The following CPVL variants were observed in gnomAD, a reference collection of about 807,000 sequenced individuals.
The protein encoded by CPVL is carboxypeptidase vitellogenic like, also known as probable serine carboxypeptidase CPVL.
In CPVL, 51 loss-of-function variants were observed where a neutral mutation model predicts 63.7. The observed-to-expected ratio is 0.80, with a 90% CI of 0.64 to 1.01. The LOEUF (loss-of-function observed/expected upper bound fraction) is 1.01. Among genes scored for constraint, CPVL ranks in the 50% least tolerant of loss-of-function variants. The probability of loss-of-function intolerance (pLI) is 0.00; values close to 1 mark genes in which losing one functional copy is unlikely to be tolerated. For missense variants in CPVL, 530 were observed against 573.1 expected (o/e 0.92, Z 0.77); for synonymous variants, 195 against 206.0 (o/e 0.95, Z 0.46).
chr7:29,178,741 T>C (rs1336921444), intron 5 of CPVL, among the ~76,000 whole-genome samples: 2 of 152,198 alleles, frequency 1.3e-5, no homozygotes, highest in Admixed American at 6.5e-5. Context: ...TTGGCATTAA[T>C]TAATTAATTT....
At chr7:29,165,497 A>AAAGGC (rs1795796604) in intron 5 of CPVL, among the ~76,000 whole-genome samples, 1 of 152,160 alleles carries the variant, frequency 6.6e-6, no homozygotes, top group South Asian at 2.1e-4. Context: ...GTTGTCTGTT[A>AAAGGC]ATAGAGACTG....
At chr7:29,075,050 C>T (rs1784108138) in intron 7 of CPVL, among the ~76,000 whole-genome samples, 2 of 152,048 alleles carry the variant, frequency 1.3e-5, no homozygotes, top group African/African-American at 4.8e-5. Flanking sequence ...GGTACAAATG[C>T]CAAAAAGTTT....
chr7:29,142,185 T>G (rs1791962995), intron 1 of CPVL, among the ~76,000 whole-genome samples: 1 of 152,240 alleles, frequency 6.6e-6, no homozygotes, highest in Non-Finnish European at 1.5e-5. Context: ...TAATGAGAAC[T>G]GCAGCTATAG....
chr7:29,072,016 A>G, intron 8 of CPVL, 112 bp from the exon 9 acceptor site: 1 of 1,342,356 alleles, frequency 7.4e-7, no homozygotes, highest in Non-Finnish European at 1.0e-6. Flanking sequence ...TGTGCTGGTT[A>G]GCCAAGTAGG....
At chr7:29,174,732 C>T (rs1003382922) in intron 5 of CPVL, among the ~76,000 whole-genome samples, 2 of 151,950 alleles carry the variant, frequency 1.3e-5, no homozygotes, top group African/African-American at 2.4e-5. Context: ...CGGTGGCACA[C>T]ACCTGTAATC....
intron 11 of CPVL, among the ~76,000 whole-genome samples, chr7:29,055,752 G>T: frequency 6.6e-6 from 1 of 152,160 alleles, no homozygotes; most frequent in East Asian, 1.9e-4. Context: ...CTGCCTTATT[G>T]CTCTTGCTCC....
intron 11 of CPVL, among the ~76,000 whole-genome samples, chr7:29,033,359 T>G (rs1484728736): frequency 1.3e-5 from 2 of 152,136 alleles, no homozygotes; most frequent in South Asian, 4.1e-4. Context: ...GGGCACGGCA[T>G]AGGGGTGGTC....
At chr7:29,073,529 C>G (rs1011348117) in intron 7 of CPVL, among the ~76,000 whole-genome samples, 8 of 152,210 alleles carry the variant, frequency 5.3e-5, no homozygotes, top group Non-Finnish European at 1.0e-4. Flanking sequence ...TCATTCCTTT[C>G]CAGCCCATTG....
intron 1 of CPVL, among the ~76,000 whole-genome samples, chr7:29,139,886 T>C (rs1469052543): frequency 2.6e-5 from 4 of 152,234 alleles, no homozygotes; most frequent in African/African-American, 9.6e-5. Flanking sequence ...TTGCTAATAA[T>C]ATTCTTCATC....
At chr7:29,023,982 CA>C (rs1787253890) in intron 12 of CPVL, among the ~76,000 whole-genome samples, 1 of 151,962 alleles carries the variant, frequency 6.6e-6, no homozygotes, top group Admixed American at 6.6e-5. Flanking sequence ...TCCCTAGTGA[CA>C]GATTTCAATG....
intron 1 of CPVL, chr7:29,194,399 A>C (rs1429662431): frequency 6.6e-6 from 1 of 152,228 alleles, no homozygotes; most frequent in Non-Finnish European, 1.5e-5. Context: ...CCCCCGAGCG[A>C]CCGCGTCTCC....
chr7:29,116,315 A>G (rs1176705062), intron 2 of CPVL, among the ~76,000 whole-genome samples: 2 of 152,228 alleles, frequency 1.3e-5, no homozygotes, highest in Non-Finnish European at 2.9e-5. Context: ...TCCCAGTAAA[A>G]TAATTTAAAA....
chr7:29,071,806 G>GTGTT lies in CPVL; in HGVS notation c.827_830dup (p.His277GlnfsTer10). 1 of 1,531,576 alleles carries GTGTT rather than the reference G, an allele frequency of 6.5e-7. No individual in the cohort carries two copies. Among genetic ancestry groups the GTGTT allele is most frequent in the Non-Finnish European group, 8.9e-7 (1 of 1,127,888 alleles). The allele number at this position is 1,531,576 out of a possible 1,614,324, so 94.9% of individuals were successfully genotyped here. A position where few individuals can be genotyped will look rare whatever the true frequency, so the allele number is the denominator to read the frequency against. On this transcript the variant is annotated frameshift_variant, in exon 9 of 13. Coordinates refer to ENST00000265394, the MANE Select transcript of CPVL (RefSeq NM_031311.5). LOFTEE classifies it high-confidence loss of function. Reference sequence around the variant, plus strand: ...CCTCAAACCAGTTCTGCTTCCTGATGTGTTCTATGCATTCATGGCACTGCT... The same window carrying GTGTT: ...CCTCAAACCAGTTCTGCTTCCTGATGTGTTTGTTCTATGCATTCATGGCACTGCT...
In CPVL at chr7:28,998,119, C is replaced by T. The variant is rs543674878; in HGVS notation, c.1321-2237G>A. ...CTCCAGAGGGAAACTTTTGCCGCCC[C>T]GCAATCCCAGGCTAGACATTTCTTC... is the stretch of plus-strand genomic sequence containing the variant. On this transcript the variant is annotated intron_variant, in intron 12 of 12. Coordinates refer to ENST00000265394, the MANE Select transcript of CPVL (RefSeq NM_031311.5). Among the ~76,000 whole-genome samples, 80 of 152,314 alleles carry T rather than the reference C, an allele frequency of 5.3e-4. No individual in the cohort carries two copies. The South Asian group carries it at 0.016, about 30-fold the overall frequency.
At chr7:29,139,424 A>T (rs574607331) in intron 1 of CPVL, among the ~76,000 whole-genome samples, 4 of 151,494 alleles carry the variant, frequency 2.6e-5, no homozygotes, top group Non-Finnish European at 5.9e-5. Context: ...TGATTCACGC[A>T]GGCTACCTTA....
chr7:29,181,290 A>G (rs1798027940), exon 5 of CPVL: 1 of 152,212 alleles, frequency 6.6e-6, no homozygotes, highest in Non-Finnish European at 1.5e-5. Flanking sequence ...CGTTACTCAC[A>G]TTGTAGTTTG....
chr7:29,139,331 CT>C (rs1791596556), intron 1 of CPVL, among the ~76,000 whole-genome samples: 1 of 152,136 alleles, frequency 6.6e-6, no homozygotes, highest in African/African-American at 2.4e-5. Context: ...CCCAAAATCC[CT>C]TTCAGCTTGG....
intron 1 of CPVL, among the ~76,000 whole-genome samples, chr7:29,130,693 T>C (rs1315650731): frequency 6.6e-6 from 1 of 152,186 alleles, no homozygotes; most frequent in Non-Finnish European, 1.5e-5. Context: ...ATCTAGGTGA[T>C]GTCAAAGTCC....
At chr7:29,096,446 C>G (rs144683557) in intron 3 of CPVL, 109 of 546,902 alleles carry the variant, frequency 2.0e-4, no homozygotes, top group African/African-American at 1.9e-3. Context: ...ATCATGCAGT[C>G]AAGTCTTTTC....
Sources: gnomAD v4.1 joint callset for allele counts (sites outside exome capture counted in the v4.1 genomes callset) on GRCh38, gnomAD v4.1.1 for gene constraint, MANE v1.5 for transcripts, NCBI Gene and HGNC (gene_info 2026-07-23, HGNC 2026-07-21) for gene names.